Variants in PDXDC1 observed in about 807,000 individuals in gnomAD.
PDXDC1 encodes the protein pyridoxal-dependent decarboxylase domain-containing protein 1.
A neutral mutation model predicts 100.1 loss-of-function variants in PDXDC1; 42 were observed. The observed-to-expected ratio is 0.42, with a 90% CI of 0.33 to 0.54. PDXDC1 has a LOEUF of 0.54. Among genes scored for constraint, PDXDC1 ranks in the 20% least tolerant of loss-of-function variants. The probability of loss-of-function intolerance (pLI) is 0.10; values close to 1 mark genes in which losing one functional copy is unlikely to be tolerated. For missense variants in PDXDC1, 636 were observed against 979.2 expected (o/e 0.65, Z 4.68); for synonymous variants, 260 against 371.7 (o/e 0.70, Z 3.46).
downstream of PDXDC1, among the ~76,000 whole-genome samples, chr16:15,039,263 T>TA (rs1251504526): frequency 1.3e-5 from 2 of 152,204 alleles, no homozygotes; most frequent in African/African-American, 4.8e-5. Flanking sequence ...CTAGGCCTGT[T>TA]ACACTCCTTG....
intron 16 of PDXDC1, among the ~76,000 whole-genome samples, chr16:15,085,414 T>A (rs1163994394): frequency 6.6e-6 from 1 of 152,118 alleles, no homozygotes; most frequent in African/African-American, 2.4e-5. Context: ...GCCTCCCAGG[T>A]AGCTGTGACT....
intron 5 of PDXDC1, among the ~76,000 whole-genome samples, chr16:15,005,009 A>G (rs910993533): frequency 1.3e-5 from 2 of 152,294 alleles, no homozygotes; most frequent in African/African-American, 2.4e-5. Context: ...TGCAGAACCC[A>G]TAGGTTCAGA....
chr16:15,021,056 CAT>C (rs1443282113), intron 12 of PDXDC1, among the ~76,000 whole-genome samples: 1 of 152,148 alleles, frequency 6.6e-6, no homozygotes, highest in East Asian at 1.9e-4. Flanking sequence ...CTTCGTTCAT[CAT>C]ATGTTAGGAT....
chr16:15,149,490 G>C, the PDXDC1 span, among the ~76,000 whole-genome samples: 2 of 152,240 alleles, frequency 1.3e-5, no homozygotes, highest in Non-Finnish European at 2.9e-5. Context: ...AGCTGTGTCT[G>C]TGGCAGTTGC....
chr16:15,133,219 G>T, intron 16 of PDXDC1: 1 of 1,273,646 alleles, frequency 7.9e-7, no homozygotes, highest in Non-Finnish European at 1.1e-6. Context: ...TTGGTCCCCA[G>T]CACGCATGCA....
chr16:15,087,395 C>A (rs1000050810), intron 16 of PDXDC1, among the ~76,000 whole-genome samples: 1 of 152,108 alleles, frequency 6.6e-6, no homozygotes, highest in African/African-American at 2.4e-5. Context: ...GCAATCTGCC[C>A]AACCAAGAGG....
At chr16:15,030,405 G>GCACCCTGTCCACAGCCCC (rs1457799782) in intron 16 of PDXDC1, among the ~76,000 whole-genome samples, 131 of 151,460 alleles carry the variant, frequency 8.6e-4, no homozygotes, top group Non-Finnish European at 9.5e-4. Context: ...AATTAGCCAG[G>GCACCCTGTCCACAGCCCC]CATGGTGGTA....
intron 16 of PDXDC1, among the ~76,000 whole-genome samples, chr16:15,090,069 G>T (rs1356366158): frequency 6.6e-6 from 1 of 151,310 alleles, no homozygotes; most frequent in Non-Finnish European, 1.5e-5. Context: ...AATTAACCAG[G>T]CATGGTGGCG....
chr16:15,016,502 G>A lies in PDXDC1; in HGVS notation c.812+289G>A, dbSNP rs914850383. On this transcript the variant is annotated intron_variant, in intron 9 of 22. Coordinates refer to ENST00000396410, the MANE Select transcript of PDXDC1 (RefSeq NM_015027.4). ...CTGGGCTTGGTTTCCTCTATCTGTG[G>A]ACAGATCTTCCTGTTACAGTGCAAA... 4 of 703,088 alleles carry A rather than the reference G, an allele frequency of 5.7e-6. No homozygotes were observed. The African/African-American group carries it at 7.3e-5, about 13-fold the overall frequency. 43.6% of individuals were successfully genotyped at this position (703,088 alleles called of 1,614,324 possible). A position where few individuals can be genotyped will look rare whatever the true frequency, so the allele number is the denominator to read the frequency against.
chr16:15,032,755 C>T (rs1171153741), intron 17 of PDXDC1, 106 bp from the exon 18 acceptor site: 6 of 711,162 alleles, frequency 8.4e-6, no homozygotes, highest in Non-Finnish European at 1.5e-5. Context: ...CTTTTGCCCA[C>T]TGGTTCCACT....
chr16:15,124,274 C>T lies in PDXDC1; in HGVS notation c.1400-14605C>T, dbSNP rs191772968. On this transcript the variant is annotated intron_variant, in intron 16 of 16. Coordinates refer to the PDXDC1 transcript ENST00000535621. ...TTTCCTGGCCCTGTCCTCAGCTAAA[C>T]TTCCCACAGGCCTTCTGCCCAATCA... is the stretch of plus-strand genomic sequence containing the variant. Among the ~76,000 whole-genome samples, 178 of 152,334 alleles carry T rather than the reference C, an allele frequency of 1.2e-3. 1 individual carries two copies. The highest frequency in any genetic ancestry group is 4.2e-3 in the African/African-American group (176 of 41,576).
Position 15,131,558 on chromosome 16 carries a change from C to T in PDXDC1, c.1400-7321C>T, listed in dbSNP as rs1371566806. On this transcript the variant is annotated intron_variant, in intron 16 of 16. Coordinates refer to the PDXDC1 transcript ENST00000535621. Reference sequence around the variant, plus strand: ...TCGCCCGCCAGTGTCAGGGGCTCCTCGTTGAGCACGCGGGAGCGCGTGAGG... The same window carrying T: ...TCGCCCGCCAGTGTCAGGGGCTCCTTGTTGAGCACGCGGGAGCGCGTGAGG... The T allele has an allele frequency of 3.2e-5, 51 of 1,609,184 alleles. 1 individual carries two copies. Among genetic ancestry groups the T allele is most frequent in the East Asian group, 2.2e-4 (10 of 44,734 alleles).
the PDXDC1 span, among the ~76,000 whole-genome samples, chr16:15,148,486 T>A: frequency 1.4e-5 from 2 of 145,836 alleles, no homozygotes; most frequent in African/African-American, 5.1e-5. Flanking sequence ...TCGGCTCAAG[T>A]GATGTCCCAC....
chr16:15,043,578 C>T (rs1242278593), intron 16 of PDXDC1, among the ~76,000 whole-genome samples: 2 of 152,194 alleles, frequency 1.3e-5, no homozygotes, highest in African/African-American at 4.8e-5. Context: ...GCTGTACCAT[C>T]ATATGAGTAA....
chr16:15,082,630 G>A (rs1436237901), intron 16 of PDXDC1, among the ~76,000 whole-genome samples: 1 of 151,560 alleles, frequency 6.6e-6, no homozygotes, highest in Non-Finnish European at 1.5e-5. Flanking sequence ...CTGAGATGGT[G>A]CCACTGCACT....
chr16:15,082,366 C>A (rs1597966594), intron 16 of PDXDC1, among the ~76,000 whole-genome samples: 1 of 152,038 alleles, frequency 6.6e-6, no homozygotes, highest in African/African-American at 2.4e-5. Context: ...TTTATTAATT[C>A]ATTTTCAGGT....
At chr16:14,979,208 T>C (rs1423032078) in intron 1 of PDXDC1, among the ~76,000 whole-genome samples, 19 of 152,294 alleles carry the variant, frequency 1.2e-4, no homozygotes, top group Non-Finnish European at 2.5e-4. Flanking sequence ...CACATGTGGC[T>C]GATGTCTGCT....
chr16:15,119,387 CTGA>C (rs1227198222), intron 16 of PDXDC1, among the ~76,000 whole-genome samples: 1 of 142,970 alleles, frequency 7.0e-6, no homozygotes, highest in Admixed American at 7.1e-5. Context: ...CTAACAATAG[CTGA>C]TGATCTAAAA....
At chr16:14,981,773 G>A (rs1409045993) in intron 1 of PDXDC1, among the ~76,000 whole-genome samples, 2 of 152,226 alleles carry the variant, frequency 1.3e-5, no homozygotes, top group East Asian at 3.8e-4. Flanking sequence ...GATGTGATCT[G>A]TGCAGTTAAC....
Sources: allele counts gnomAD v4.1 joint callset (sites outside exome capture counted in the v4.1 genomes callset), GRCh38; gene constraint gnomAD v4.1.1; transcripts MANE v1.5; gene names NCBI Gene and HGNC (gene_info 2026-07-23, HGNC 2026-07-21).